Variants in PEBP4 observed in about 807,000 individuals in gnomAD.
PEBP4 encodes phosphatidylethanolamine-binding protein 4.
PEBP4 carries 22 observed loss-of-function variants against 23.9 expected under a neutral mutation model. That is an observed-to-expected ratio of 0.92 (90% CI 0.66 to 1.31). The LOEUF is 1.31. Among genes scored for constraint, PEBP4 ranks in the 40% most tolerant of loss-of-function variants. The probability of loss-of-function intolerance (pLI) is 0.00; values close to 1 mark genes in which losing one functional copy is unlikely to be tolerated. For synonymous variants in PEBP4, 112 were observed against 99.3 expected, an observed-to-expected ratio of 1.13 and a Z score of -0.76; for missense variants, 324 against 281.7, an observed-to-expected ratio of 1.15 and a Z score of -1.07.
chr8:22,847,129 A>G (rs762777764), intron 3 of PEBP4, among the ~76,000 whole-genome samples: 8 of 152,138 alleles, frequency 5.3e-5, no homozygotes, highest in Non-Finnish European at 1.2e-4. Flanking sequence ...TCTTTACGTT[A>G]TTCCTTGACT....
intron 4 of PEBP4, among the ~76,000 whole-genome samples, chr8:22,771,459 A>C (rs1416105733): frequency 6.6e-6 from 1 of 152,242 alleles, no homozygotes; most frequent in Non-Finnish European, 1.5e-5. Flanking sequence ...ATTGCACTCC[A>C]GCCTGGGTGA....
rs148431627 is a variant in PEBP4 at position 22,858,225 on chromosome 8, TTTC to T, written c.259-40493_259-40491del. ...GAAAGGAATCGTTCAGCTTCCTGCA[TTTC>T]TTCTTAAGTTCCTTTCTCAGATGTT... On this transcript the variant is annotated intron_variant, in intron 3 of 6. Transcript: ENST00000256404. Among the ~76,000 whole-genome samples, 797 of 151,820 alleles carry T rather than the reference TTTC, an allele frequency of 5.2e-3. 12 individuals carry two copies. The East Asian group carries it at 0.058, about 11-fold the overall frequency.
intron 4 of PEBP4, among the ~76,000 whole-genome samples, chr8:22,758,375 C>A (rs1036102505): frequency 2.0e-5 from 3 of 152,230 alleles, no homozygotes; most frequent in Non-Finnish European, 4.4e-5. Context: ...CCTGGTGGGC[C>A]ACATATGGTT....
chr8:22,906,488 TTC>T (rs2128777880), intron 3 of PEBP4, among the ~76,000 whole-genome samples: 1 of 152,282 alleles, frequency 6.6e-6, no homozygotes, highest in South Asian at 2.1e-4. Flanking sequence ...CCTCTCCTCT[TTC>T]TCTCTCCTTA....
intron 3 of PEBP4, among the ~76,000 whole-genome samples, chr8:22,904,833 T>G (rs1257584271): frequency 6.6e-6 from 1 of 152,228 alleles, no homozygotes; most frequent in Non-Finnish European, 1.5e-5. Flanking sequence ...GGCTATATGG[T>G]ACTTTTTCAT....
chr8:22,841,948 C>T (rs1807338275), intron 3 of PEBP4, among the ~76,000 whole-genome samples: 1 of 152,138 alleles, frequency 6.6e-6, no homozygotes, highest in South Asian at 2.1e-4. Flanking sequence ...ACTCAAATGG[C>T]CAAATATAAG....
At chr8:22,881,224 A>G (rs1324150622) in intron 3 of PEBP4, among the ~76,000 whole-genome samples, 9 of 152,142 alleles carry the variant, frequency 5.9e-5, no homozygotes, top group Admixed American at 5.9e-4. Flanking sequence ...TCCCAATCCC[A>G]CATCCTCCCT....
At chr8:22,849,416 G>A (rs1807505902) in intron 3 of PEBP4, among the ~76,000 whole-genome samples, 1 of 152,218 alleles carries the variant, frequency 6.6e-6, no homozygotes, top group Non-Finnish European at 1.5e-5. Context: ...GGCAGGGAAA[G>A]GAAAGCTACC....
intron 4 of PEBP4, among the ~76,000 whole-genome samples, chr8:22,777,778 G>A (rs1177150590): frequency 1.3e-5 from 2 of 152,192 alleles, no homozygotes; most frequent in Non-Finnish European, 2.9e-5. Context: ...CTGGCGCTAA[G>A]GATAACCTTG....
At chr8:22,916,224 G>A (rs1809068885) in intron 3 of PEBP4, among the ~76,000 whole-genome samples, 1 of 152,210 alleles carries the variant, frequency 6.6e-6, no homozygotes, top group Non-Finnish European at 1.5e-5. Context: ...GATTCCAGCT[G>A]GCGAAATTTA....
At chr8:22,759,187 T>C (rs772827861) in intron 4 of PEBP4, among the ~76,000 whole-genome samples, 2 of 152,008 alleles carry the variant, frequency 1.3e-5, no homozygotes, top group Non-Finnish European at 2.9e-5. Flanking sequence ...AACACTGACT[T>C]TGTTGCTGTC....
At chr8:22,883,128 C>G (rs748366266) in intron 3 of PEBP4, among the ~76,000 whole-genome samples, 2 of 152,202 alleles carry the variant, frequency 1.3e-5, no homozygotes, top group Non-Finnish European at 2.9e-5. Context: ...AAATCCCCGA[C>G]ACCATCAAAA....
intron 4 of PEBP4, among the ~76,000 whole-genome samples, chr8:22,811,337 A>G (rs948434742): frequency 1.3e-5 from 2 of 152,256 alleles, no homozygotes; most frequent in African/African-American, 4.8e-5. Flanking sequence ...CTTATCTCCA[A>G]ATAATTTCAC....
At chr8:22,724,992 A>T in intron 5 of PEBP4, 36 bp from the exon 6 acceptor site, 2 of 1,545,172 alleles carry the variant, frequency 1.3e-6, no homozygotes, top group Non-Finnish European at 1.8e-6. Flanking sequence ...GAGCATCAAC[A>T]TCCCATACTA....
At chr8:22,920,578 C>T (rs561652586) in intron 2 of PEBP4, among the ~76,000 whole-genome samples, 1 of 152,258 alleles carries the variant, frequency 6.6e-6, no homozygotes, top group South Asian at 2.1e-4. Flanking sequence ...GAACCTGGCA[C>T]GTTGTAAGTC....
chr8:22,915,220 G>A (rs769827420), intron 3 of PEBP4, among the ~76,000 whole-genome samples: 2 of 151,976 alleles, frequency 1.3e-5, no homozygotes, highest in Non-Finnish European at 2.9e-5. Context: ...CCTGCTGCTG[G>A]AGTGACCTTC....
At chr8:22,893,234 A>G (rs1177500475) in intron 3 of PEBP4, among the ~76,000 whole-genome samples, 1 of 152,236 alleles carries the variant, frequency 6.6e-6, no homozygotes, top group African/African-American at 2.4e-5. Context: ...AATTAGCCCT[A>G]GAAAAACGCT....
intron 3 of PEBP4, among the ~76,000 whole-genome samples, chr8:22,861,271 C>T (rs996335451): frequency 6.6e-6 from 1 of 152,154 alleles, no homozygotes; most frequent in Non-Finnish European, 1.5e-5. Context: ...GTTCAATTTG[C>T]CCTATTACAG....
At chr8:22,824,432 G>C (rs961427062) in intron 3 of PEBP4, among the ~76,000 whole-genome samples, 7 of 152,126 alleles carry the variant, frequency 4.6e-5, no homozygotes, top group African/African-American at 1.7e-4. Context: ...GATTCTTTAG[G>C]ACAGCGCTCC....
Sources: allele counts gnomAD v4.1 joint callset (sites outside exome capture counted in the v4.1 genomes callset), GRCh38; gene constraint gnomAD v4.1.1; transcripts MANE v1.5; gene names NCBI Gene and HGNC (gene_info 2026-07-23, HGNC 2026-07-21).